The following MAP2 variants were observed in gnomAD, a reference collection of about 807,000 sequenced individuals.
The protein encoded by MAP2 is microtubule-associated protein 2.
In MAP2, 14 loss-of-function variants were observed where a neutral mutation model predicts 137.6. The observed-to-expected ratio is 0.10, with a 90% CI of 0.07 to 0.16. The LOEUF is 0.16. Among genes scored for constraint, MAP2 ranks in the 10% least tolerant of loss-of-function variants. MAP2 has a pLI of 1.00. For synonymous variants in MAP2, 786 were observed against 782.3 expected (o/e 1.00, Z -0.08); for missense variants, 2,088 against 2,191.5 (o/e 0.95, Z 0.94).
At chr2:209,494,862 T>C (rs1348706402) in intron 1 of MAP2, among the ~76,000 whole-genome samples, 1 of 152,204 alleles carries the variant, frequency 6.6e-6, no homozygotes, top group Non-Finnish European at 1.5e-5. Flanking sequence ...TCAAAGCATG[T>C]TTTCCCCTAT....
chr2:209,584,108 CT>C (rs1377358753), intron 3 of MAP2, among the ~76,000 whole-genome samples: 1 of 151,996 alleles, frequency 6.6e-6, no homozygotes, highest in Non-Finnish European at 1.5e-5. Context: ...TGATTTCATT[CT>C]TTTTATGGCT....
At chr2:209,531,841 A>T (rs1174744832) in intron 2 of MAP2, among the ~76,000 whole-genome samples, 1 of 152,088 alleles carries the variant, frequency 6.6e-6, no homozygotes, top group Non-Finnish European at 1.5e-5. Context: ...CCAATCTTAG[A>T]CTCCTAAGGG....
chr2:209,656,912 A>G (rs185541333), intron 5 of MAP2, among the ~76,000 whole-genome samples: 3 of 152,146 alleles, frequency 2.0e-5, no homozygotes, highest in Admixed American at 6.5e-5. Context: ...TAATTTTTCA[A>G]CCCTCACCTC....
chr2:209,561,691 C>G (rs1214032061), intron 2 of MAP2, among the ~76,000 whole-genome samples: 1 of 152,162 alleles, frequency 6.6e-6, no homozygotes, highest in East Asian at 1.9e-4. Flanking sequence ...TACTTCTTAT[C>G]AATGTTTGAA....
Position 209,693,882 on chromosome 2 carries a change from A to G in MAP2, c.1712A>G (p.Lys571Arg), listed in dbSNP as rs778193890. 7 of 1,611,998 alleles carry G rather than the reference A, an allele frequency of 4.3e-6. No homozygotes were observed. The highest frequency in any genetic ancestry group is 5.9e-6 in the Non-Finnish European group (7 of 1,179,416). Reference protein sequence around the residue: ...PFYEDKSGMSKYFETSALKEE... With the variant: ...PFYEDKSGMSRYFETSALKEE... ...TATGAAGATAAATCAGGAATGTCCAAGTACTTTGAAACATCTGCCTTGAAA... is the reference window on the plus strand; with the variant it reads ...TATGAAGATAAATCAGGAATGTCCAGGTACTTTGAAACATCTGCCTTGAAA... Residue 571 changes from lysine (K) to arginine (R), a missense_variant, in exon 8 of 16, where the codon AAG becomes AGG. By Grantham distance (26) the Lys-to-Arg change is conservative. Coordinates refer to ENST00000682079, the MANE Select transcript of MAP2 (RefSeq NM_001375505.1).
At chr2:209,650,693 T>C (rs60465771) in intron 4 of MAP2, among the ~76,000 whole-genome samples, 5,032 of 152,292 alleles carry the variant, frequency 0.033, 272 homozygotes, top group African/African-American at 0.11. Context: ...TCACTAATTA[T>C]ATAAATGTAC....
rs375888404 is a variant in MAP2, at chr2:209,587,196, T to TA, written c.-107+7097dup. The stretch of plus-strand genomic sequence containing the variant: ...CTCTCTGCCTGGATTTCCAGTACAG[T>TA]ACTGAGCTGCTAAATTCTCTGTCCC... On this transcript the variant is annotated intron_variant, in intron 3 of 15. Coordinates refer to ENST00000682079, the MANE Select transcript of MAP2 (RefSeq NM_001375505.1). 4.0e-3 allele frequency among the ~76,000 whole-genome samples: 614 copies of TA among 152,212 alleles called. 5 individuals are homozygous for TA. Among genetic ancestry groups the TA allele is most frequent in the African/African-American group, 0.014 (578 of 41,530 alleles).
chr2:209,425,981 GA>G (rs1173355791), intron 1 of MAP2, among the ~76,000 whole-genome samples: 3 of 152,106 alleles, frequency 2.0e-5, no homozygotes, highest in African/African-American at 7.2e-5. Flanking sequence ...TGCACACAAA[GA>G]ACCCTTCCTT....
rs13400942 is a variant in MAP2, at chr2:209,635,616, G to A, written c.-30+10487G>A. On this transcript the variant is annotated intron_variant, in intron 4 of 15. Coordinates refer to ENST00000682079, the MANE Select transcript of MAP2 (RefSeq NM_001375505.1). ...CTGGTTTATATGAAAGGAATATAGT[G>A]TGTTGCAGTGTTGCATGAAAGCTGT... Among the ~76,000 whole-genome samples, 992 of 152,206 alleles carry A rather than the reference G, an allele frequency of 6.5e-3. 8 individuals are homozygous for A. The highest frequency in any genetic ancestry group is 0.023 in the African/African-American group (942 of 41,560).
At chr2:209,561,261 C>CTG (rs954673041) in intron 2 of MAP2, among the ~76,000 whole-genome samples, 4 of 152,056 alleles carry the variant, frequency 2.6e-5, no homozygotes, top group African/African-American at 9.7e-5. Flanking sequence ...TGTCAAATGC[C>CTG]TGTGTGTGTG....
At chr2:209,596,141 A>T (rs1222996212) in intron 3 of MAP2, among the ~76,000 whole-genome samples, 1 of 152,170 alleles carries the variant, frequency 6.6e-6, no homozygotes, top group African/African-American at 2.4e-5. Flanking sequence ...AATAAAAATA[A>T]CAGTAAAGTG....
chr2:209,681,156 A>T (rs1266358867), intron 7 of MAP2, among the ~76,000 whole-genome samples: 1 of 152,206 alleles, frequency 6.6e-6, no homozygotes, highest in East Asian at 1.9e-4. Context: ...AAGTGACTGA[A>T]CAAAAATTAA....
intron 2 of MAP2, among the ~76,000 whole-genome samples, chr2:209,570,502 G>A (rs1025730916): frequency 6.6e-6 from 1 of 151,848 alleles, no homozygotes; most frequent in Non-Finnish European, 1.5e-5. Context: ...CACTTTATAG[G>A]TTCTTAATCA....
chr2:209,725,282 A>G (rs116427644), intron 13 of MAP2, among the ~76,000 whole-genome samples: 1,571 of 152,330 alleles, frequency 0.01, 20 homozygotes, highest in African/African-American at 0.036. Flanking sequence ...GTTGTATCTT[A>G]ACGTTGGTCT....
Position 209,694,831 on chromosome 2 carries a change from G to A in MAP2, c.2661G>A (p.Glu887=), listed in dbSNP as rs772517384. ...TGCCATCACCTGTTCAAGACAGTGA[G>A]AATTTATCAGGGGAGAGTGGTACCT... ...VPLPSPVQDS[E]NLSGESGTFY... The change falls in exon 8 of 16, where the codon GAG becomes GAA. Residue 887 remains glutamate, a synonymous_variant. Transcript: ENST00000682079. The A allele has an allele frequency of 6.2e-7, 1 of 1,614,044 alleles. No homozygotes were observed. The highest frequency in any genetic ancestry group is 8.5e-7 in the Non-Finnish European group (1 of 1,180,030).
intron 1 of MAP2, among the ~76,000 whole-genome samples, chr2:209,466,481 T>G (rs1176162709): frequency 6.6e-6 from 1 of 152,184 alleles, no homozygotes; most frequent in Admixed American, 6.5e-5. Flanking sequence ...GCAAATGAAG[T>G]GGTCAGATCA....
At chr2:209,564,802 A>C (rs185576562) in intron 2 of MAP2, among the ~76,000 whole-genome samples, 14 of 152,160 alleles carry the variant, frequency 9.2e-5, no homozygotes. Context: ...CGTTATTTTA[A>C]CTTTTTTTCC....
At chr2:209,575,872 T>C (rs2075295281) in intron 2 of MAP2, among the ~76,000 whole-genome samples, 1 of 151,932 alleles carries the variant, frequency 6.6e-6, no homozygotes, top group East Asian at 1.9e-4. Flanking sequence ...AAAAGTAAAA[T>C]GCAGCAGGGA....
chr2:209,476,242 T>C (rs1707182930), intron 1 of MAP2, among the ~76,000 whole-genome samples: 1 of 152,110 alleles, frequency 6.6e-6, no homozygotes, highest in South Asian at 2.1e-4. Context: ...AGCAGTCACT[T>C]GGAAAGAAGA....
Sources: allele counts gnomAD v4.1 joint callset (sites outside exome capture counted in the v4.1 genomes callset), GRCh38; gene constraint gnomAD v4.1.1; transcripts MANE v1.5; gene names NCBI Gene and HGNC (gene_info 2026-07-23, HGNC 2026-07-21).